The following ANO10 variants were observed in gnomAD, a reference collection of about 807,000 sequenced individuals.
The protein encoded by ANO10 is anoctamin-10.
In ANO10, 77 loss-of-function variants were observed where a neutral mutation model predicts 74.7. The observed-to-expected ratio is 1.03, with a 90% CI of 0.86 to 1.25. ANO10 has a LOEUF of 1.25. Among genes scored for constraint, ANO10 ranks in the 50% most tolerant of loss-of-function variants. ANO10 has a pLI of 0.00. For missense variants in ANO10, 721 were observed against 778.1 expected (o/e 0.93, Z 0.87); for synonymous variants, 279 against 284.9 (o/e 0.98, Z 0.21).
At position 43,580,441 on chromosome 3, in the gene ANO10, A is replaced by G. The variant is rs747434303; in HGVS notation, c.504T>C (p.Ile168=). 1 of 1,614,060 alleles carries G rather than the reference A, an allele frequency of 6.2e-7. No individual in the cohort carries two copies. Among genetic ancestry groups the G allele is most frequent in the Non-Finnish European group, 8.5e-7 (1 of 1,179,982 alleles). The part of the protein sequence containing the change: ...LRRLLTSGIV[I]QVFPLHDSEA... ...CACTGTCATGCAGTGGAAACACCTGAATCACGATGCCAGACGTGAGCAATC... is the reference window on the plus strand; with the variant it reads ...CACTGTCATGCAGTGGAAACACCTGGATCACGATGCCAGACGTGAGCAATC... The change falls in exon 5 of 13, where the codon ATT becomes ATC. Residue 168 remains isoleucine, a synonymous_variant. Transcript: ENST00000292246.
intron 1 of ANO10, among the ~76,000 whole-genome samples, chr3:43,686,960 G>A (rs1261764442): frequency 6.6e-6 from 1 of 151,748 alleles, no homozygotes; most frequent in East Asian, 1.9e-4. Flanking sequence ...ATCCACAGAA[G>A]TCTGCATGCA....
At chr3:43,573,376 G>A (rs1020316431) in intron 7 of ANO10, among the ~76,000 whole-genome samples, 2 of 151,906 alleles carry the variant, frequency 1.3e-5, no homozygotes, top group African/African-American at 4.8e-5. Context: ...TTCTCTGTAG[G>A]TTTGCCTACT....
chr3:43,383,359 C>G (rs2092024189), intron 12 of ANO10, among the ~76,000 whole-genome samples: 1 of 149,100 alleles, frequency 6.7e-6, no homozygotes, highest in African/African-American at 2.5e-5. Flanking sequence ...GAGGCTGACA[C>G]AGGAGAATGG....
chr3:43,609,054 C>T (rs1249901731), intron 1 of ANO10, among the ~76,000 whole-genome samples: 1 of 152,162 alleles, frequency 6.6e-6, no homozygotes, highest in African/African-American at 2.4e-5. Context: ...ACATATAAGA[C>T]ACTGTATTGG....
intron 12 of ANO10, among the ~76,000 whole-genome samples, chr3:43,382,362 A>G (rs2091986114): frequency 6.6e-6 from 1 of 152,076 alleles, no homozygotes; most frequent in African/African-American, 2.4e-5. Flanking sequence ...TACTAAAAAT[A>G]CAAAAAATTA....
chr3:43,602,336 T>C (rs2082370349), intron 2 of ANO10, among the ~76,000 whole-genome samples: 1 of 152,150 alleles, frequency 6.6e-6, no homozygotes, highest in African/African-American at 2.4e-5. Context: ...TTTTTATTAA[T>C]TAATTAATTT....
At chr3:43,369,691 G>A (rs113782543) in intron 12 of ANO10, among the ~76,000 whole-genome samples, 6 of 152,298 alleles carry the variant, frequency 3.9e-5, no homozygotes, top group African/African-American at 1.4e-4. Context: ...TGGTATGGAG[G>A]GGGGCTCAGC....
chr3:43,449,698 T>C (rs2074766293), intron 11 of ANO10, among the ~76,000 whole-genome samples: 1 of 151,810 alleles, frequency 6.6e-6, no homozygotes, highest in African/African-American at 2.4e-5. Flanking sequence ...ACTGTAGCTT[T>C]ACAGCAAGTT....
At chr3:43,673,474 T>C (rs1371080856) in intron 1 of ANO10, among the ~76,000 whole-genome samples, 1 of 152,178 alleles carries the variant, frequency 6.6e-6, no homozygotes, top group African/African-American at 2.4e-5. Flanking sequence ...GTGGCATAAA[T>C]AATGACAATA....
At chr3:43,626,778 C>G (rs991364618), upstream of ANO10, among the ~76,000 whole-genome samples, 1 of 152,182 alleles carries the variant, frequency 6.6e-6, no homozygotes, top group South Asian at 2.1e-4. Context: ...ATTTCCTTCC[C>G]TATTTATGAA....
chr3:43,670,014 G>A (rs909023462), intron 1 of ANO10, among the ~76,000 whole-genome samples: 2 of 151,724 alleles, frequency 1.3e-5, no homozygotes, highest in African/African-American at 2.4e-5. Context: ...ATGAGCCACC[G>A]CGCCCAGCTT....
chr3:43,639,292 C>T (rs967591875), intron 1 of ANO10, among the ~76,000 whole-genome samples: 12 of 152,186 alleles, frequency 7.9e-5, no homozygotes, highest in African/African-American at 2.7e-4. Flanking sequence ...TTTAAGTCAT[C>T]GCAGTGCAGC....
chr3:43,445,982 A>C (rs1326954991), intron 11 of ANO10, among the ~76,000 whole-genome samples: 2 of 152,132 alleles, frequency 1.3e-5, no homozygotes, highest in Admixed American at 6.6e-5. Flanking sequence ...CAGAACACCA[A>C]ACCCAGCCTT....
chr3:43,588,690 A>T (rs2081588121), intron 4 of ANO10, among the ~76,000 whole-genome samples: 1 of 152,214 alleles, frequency 6.6e-6, no homozygotes, highest in Admixed American at 6.5e-5. Flanking sequence ...ACATTCTAAC[A>T]GATGCAAACT....
At chr3:43,453,182 T>A (rs906124333) in intron 11 of ANO10, among the ~76,000 whole-genome samples, 1 of 136,828 alleles carries the variant, frequency 7.3e-6, no homozygotes, top group East Asian at 2.0e-4. Context: ...TTTCCCCCTT[T>A]TTTTTTTTTT....
intron 11 of ANO10, among the ~76,000 whole-genome samples, chr3:43,511,004 T>C (rs1366809691): frequency 1.3e-5 from 2 of 152,232 alleles, no homozygotes; most frequent in Non-Finnish European, 2.9e-5. Context: ...ATTCACAGTT[T>C]AATTAAAATT....
chr3:43,670,941 G>A (rs2084051771), intron 1 of ANO10, among the ~76,000 whole-genome samples: 1 of 152,114 alleles, frequency 6.6e-6, no homozygotes, highest in East Asian at 1.9e-4. Context: ...CCAACTCATG[G>A]GATAGTCACT....
At chr3:43,681,992 T>G (rs574196338) in intron 1 of ANO10, among the ~76,000 whole-genome samples, 9 of 152,136 alleles carry the variant, frequency 5.9e-5, no homozygotes, top group African/African-American at 2.2e-4. Flanking sequence ...GATCTAAAAT[T>G]GACACCCTAA....
chr3:43,462,756 C>G (rs2149031159), intron 11 of ANO10, among the ~76,000 whole-genome samples: 1 of 152,292 alleles, frequency 6.6e-6, no homozygotes, highest in South Asian at 2.1e-4. Context: ...GCCAGGAGGC[C>G]TAGGAGGAAA....
Sources: allele counts gnomAD v4.1 joint callset (sites outside exome capture counted in the v4.1 genomes callset), GRCh38; gene constraint gnomAD v4.1.1; transcripts MANE v1.5; gene names NCBI Gene and HGNC (gene_info 2026-07-23, HGNC 2026-07-21).